The following SLC38A9 variants were observed in gnomAD, a reference collection of about 807,000 sequenced individuals.
SLC38A9 encodes solute carrier family 38 member 9.
In SLC38A9, 48 loss-of-function variants were observed where a neutral mutation model predicts 62.3. That is an observed-to-expected ratio of 0.77 (90% CI 0.61 to 0.98). The LOEUF (loss-of-function observed/expected upper bound fraction) is 0.98, where lower values mean the gene tolerates loss of function less well. SLC38A9 is among the 50% of genes least tolerant of loss of function. The pLI, the probability that SLC38A9 is intolerant of heterozygous loss-of-function variation, is 0.00. For missense variants in SLC38A9, 541 were observed against 679.8 expected (o/e 0.80, Z 2.27); for synonymous variants, 204 against 227.7 (o/e 0.90, Z 0.94).
chr5:55,692,668 T>C (rs947002831), intron 3 of SLC38A9: 1 of 985,324 alleles, frequency 1.0e-6, no homozygotes. Context: ...TATATTGCCA[T>C]TTAATCTACG....
At position 55,631,290 on chromosome 5, in the gene SLC38A9, T is replaced by C. The variant is rs558195658; in HGVS notation, c.1430+2464A>G. Among the ~76,000 whole-genome samples, 293 of 152,316 alleles carry C rather than the reference T, an allele frequency of 1.9e-3. 2 individuals carry two copies. Among genetic ancestry groups the C allele is most frequent in the African/African-American group, 6.8e-3 (281 of 41,574 alleles). Reference sequence around the variant, plus strand: ...ATTATGCTCCAAAGTATGCACACTCTATAAAGTGCTTATAACTGTCGGATA... The same window carrying C: ...ATTATGCTCCAAAGTATGCACACTCCATAAAGTGCTTATAACTGTCGGATA... On this transcript the variant is annotated intron_variant, in intron 14 of 15. Coordinates refer to ENST00000396865, the MANE Select transcript of SLC38A9 (RefSeq NM_173514.4).
intron 10 of SLC38A9, among the ~76,000 whole-genome samples, chr5:55,649,613 G>C (rs995134532): frequency 6.6e-5 from 10 of 152,318 alleles, no homozygotes; most frequent in Non-Finnish European, 1.0e-4. Context: ...CCTGAGGTCA[G>C]GAGTTCGAGA....
At chr5:55,709,547 A>C (rs1369438763) in intron 2 of SLC38A9, among the ~76,000 whole-genome samples, 2 of 152,092 alleles carry the variant, frequency 1.3e-5, no homozygotes, top group African/African-American at 4.8e-5. Flanking sequence ...GTGCCACTGC[A>C]CTAAAGCTTG....
chr5:55,687,755 G>A (rs1372300224), intron 3 of SLC38A9, among the ~76,000 whole-genome samples: 1 of 152,090 alleles, frequency 6.6e-6, no homozygotes, highest in Non-Finnish European at 1.5e-5. Context: ...CTGGAGTGCA[G>A]TGGCGTGATC....
intron 7 of SLC38A9, among the ~76,000 whole-genome samples, chr5:55,665,288 G>A (rs1216990178): frequency 6.6e-6 from 1 of 152,104 alleles, no homozygotes; most frequent in African/African-American, 2.4e-5. Context: ...GCTCATGTCT[G>A]TAATCCCAGC....
intron 12 of SLC38A9, 75 bp from the exon 13 acceptor site, chr5:55,635,732 T>G (rs1744286228): frequency 1.1e-6 from 1 of 897,056 alleles, no homozygotes; most frequent in Non-Finnish European, 1.8e-6. Flanking sequence ...CTAAGGAGAC[T>G]AACAAATAAA....
intron 14 of SLC38A9, among the ~76,000 whole-genome samples, chr5:55,630,638 A>T (rs566154706): frequency 3.3e-5 from 5 of 152,112 alleles, no homozygotes; most frequent in Non-Finnish European, 4.4e-5. Flanking sequence ...TTTTGAAAGC[A>T]GTTATTTTTA....
chr5:55,629,059 G>A (rs1247521233), intron 14 of SLC38A9, among the ~76,000 whole-genome samples: 1 of 152,146 alleles, frequency 6.6e-6, no homozygotes, highest in Non-Finnish European at 1.5e-5. Context: ...AGATCTTACT[G>A]TTTACCCAGA....
chr5:55,694,686 T>TTTCCC (rs1327524279), intron 3 of SLC38A9, among the ~76,000 whole-genome samples: 10 of 151,410 alleles, frequency 6.6e-5, no homozygotes, highest in African/African-American at 2.2e-4. Context: ...CCTTTTCCCT[T>TTTCCC]TTCCCTTCCC....
At chr5:55,681,824 T>C (rs896515864) in intron 3 of SLC38A9, among the ~76,000 whole-genome samples, 4 of 152,132 alleles carry the variant, frequency 2.6e-5, no homozygotes, top group Non-Finnish European at 5.9e-5. Flanking sequence ...TCCAAGCCCA[T>C]GTCCTGTTTT....
chr5:55,683,811 G>A (rs1753379723), intron 3 of SLC38A9, among the ~76,000 whole-genome samples: 1 of 151,950 alleles, frequency 6.6e-6, no homozygotes, highest in African/African-American at 2.4e-5. Flanking sequence ...TGGGTATCTG[G>A]GTTTCTTTGG....
At chr5:55,679,748 C>G (rs1002966983) in intron 3 of SLC38A9, among the ~76,000 whole-genome samples, 1 of 152,144 alleles carries the variant, frequency 6.6e-6, no homozygotes, top group African/African-American at 2.4e-5. Context: ...CCACTCCATT[C>G]CATCTACTAT....
In SLC38A9 at chr5:55,633,734, G is replaced by A. The variant is rs1561301846; in HGVS notation, c.1430+20C>T. 1 of 1,613,852 alleles carries A rather than the reference G, an allele frequency of 6.2e-7. No homozygotes were observed. Among genetic ancestry groups the A allele is most frequent in the South Asian group, 1.1e-5 (1 of 91,044 alleles). ...ATTTGTTGCTTGGCACATCCTGCTG[G>A]TCAAGAGAAGAGCCCTTACCTAGGA... On this transcript the variant is annotated intron_variant, in intron 14 of 15. Coordinates refer to ENST00000396865, the MANE Select transcript of SLC38A9 (RefSeq NM_173514.4).
At position 55,626,098 on chromosome 5, in the gene SLC38A9, C is replaced by A. The variant is rs2149993104; in HGVS notation, c.*396G>T. 2 of 158,756 alleles carry A rather than the reference C, an allele frequency of 1.3e-5. No homozygotes were observed. The highest frequency in any genetic ancestry group is 3.7e-4 in the East Asian group (2 of 5,478). The allele number at this position is 158,756 out of a possible 1,614,324, so 9.8% of individuals were successfully genotyped here. On this transcript the variant is annotated 3_prime_UTR_variant, in exon 16 of 16. Transcript: ENST00000396865. ...GTAAGTAAGAAAATGAAAGTGAATA[C>A]ACTGAAACATAAAACAGAAGCAGGA...
chr5:55,686,934 G>A (rs991611269), intron 3 of SLC38A9, among the ~76,000 whole-genome samples: 6 of 151,988 alleles, frequency 3.9e-5, no homozygotes, highest in Non-Finnish European at 7.4e-5. Context: ...GTAGGTGTTC[G>A]GTCTTATTTC....
intron 8 of SLC38A9, chr5:55,658,083 C>T (rs989798052): frequency 2.0e-5 from 3 of 152,174 alleles, no homozygotes; most frequent in African/African-American, 7.2e-5. Flanking sequence ...AAAATAGAGT[C>T]TTTGTAGATA....
Position 55,652,325 on chromosome 5 carries a change from C to T in SLC38A9, c.952+204G>A, listed in dbSNP as rs200022325. On this transcript the variant is annotated intron_variant, in intron 10 of 15. Transcript: ENST00000396865. ...TGAGCCAAGATTGAGCCATTGCACT[C>T]CACCCTGGGCAACAACAGTGAAACT... Among the ~76,000 whole-genome samples the T allele has an allele frequency of 1.1e-4, 16 of 141,580 alleles. No homozygotes were observed. The East Asian group carries it at 2.9e-3, about 25-fold the overall frequency. The allele number at this position is 141,580 out of a possible 152,430, so 92.9% of individuals were successfully genotyped here. A position where few individuals can be genotyped will look rare whatever the true frequency, so the allele number is the denominator to read the frequency against.
At chr5:55,642,393 A>G (rs1745586982) in intron 12 of SLC38A9, among the ~76,000 whole-genome samples, 1 of 152,228 alleles carries the variant, frequency 6.6e-6, no homozygotes, top group Admixed American at 6.5e-5. Context: ...TGATAAAAAT[A>G]TGTGTAAATG....
At chr5:55,667,056 G>T (rs569283886) in intron 7 of SLC38A9, among the ~76,000 whole-genome samples, 1 of 151,844 alleles carries the variant, frequency 6.6e-6, no homozygotes, top group Non-Finnish European at 1.5e-5. Flanking sequence ...TTAACCAGGC[G>T]TGGTGGTGGG....
Sources: allele counts gnomAD v4.1 joint callset (sites outside exome capture counted in the v4.1 genomes callset), GRCh38; gene constraint gnomAD v4.1.1; transcripts MANE v1.5; gene names NCBI Gene and HGNC (gene_info 2026-07-23, HGNC 2026-07-21).